GABRB1: variants seen among roughly 807,000 people sequenced by gnomAD.
The protein encoded by GABRB1 is gamma-aminobutyric acid receptor subunit beta-1.
In GABRB1, 17 loss-of-function variants were observed where a neutral mutation model predicts 51.6. The ratio of observed to expected loss-of-function variants is 0.33; its 90% CI spans 0.23 to 0.49. GABRB1 has a LOEUF of 0.49. GABRB1 is among the 20% of genes least tolerant of loss of function. GABRB1 has a pLI of 0.99. For missense variants in GABRB1, 410 were observed against 600.6 expected (o/e 0.68, Z 3.32); for synonymous variants, 247 against 218.9 (o/e 1.13, Z -1.14).
At chr4:47,118,788 C>A (rs1715618135) in intron 3 of GABRB1, among the ~76,000 whole-genome samples, 1 of 152,056 alleles carries the variant, frequency 6.6e-6, no homozygotes, top group East Asian at 1.9e-4. Flanking sequence ...GAGTCTGTGC[C>A]AAGAAACTGA....
intron 4 of GABRB1, among the ~76,000 whole-genome samples, chr4:47,162,311 T>G (rs1447689627): frequency 6.6e-6 from 1 of 152,066 alleles, no homozygotes; most frequent in African/African-American, 2.4e-5. Flanking sequence ...ATGCCCAATG[T>G]GTAAAGGGAT....
intron 4 of GABRB1, among the ~76,000 whole-genome samples, chr4:47,222,532 C>T (rs1374376498): frequency 2.0e-5 from 3 of 152,020 alleles, no homozygotes; most frequent in East Asian, 3.9e-4. Context: ...GTGAAGAAGC[C>T]AGGAATATAG....
chr4:47,334,208 C>CA (rs1256423689), intron 5 of GABRB1, among the ~76,000 whole-genome samples: 4 of 152,100 alleles, frequency 2.6e-5, no homozygotes, highest in Admixed American at 6.6e-5. Flanking sequence ...TTTGAGTAGT[C>CA]AAAATCTGGA....
At chr4:47,093,768 C>G (rs1714253586) in intron 3 of GABRB1, among the ~76,000 whole-genome samples, 1 of 152,122 alleles carries the variant, frequency 6.6e-6, no homozygotes, top group African/African-American at 2.4e-5. Context: ...TGCAACGTCA[C>G]AAATGTGCAC....
Position 47,092,161 on chromosome 4 carries a change from CTTTCTTTTT to C in GABRB1, c.240+59681_240+59689del, listed in dbSNP as rs1446304704. ...TTTCTTTTTCTTTCTTTCTTTCTTT[CTTTCTTTTT>C]TTTTTTTTTTTTTTTTTTTGAGACC... On this transcript the variant is annotated intron_variant, in intron 3 of 8. Coordinates refer to ENST00000295454, the MANE Select transcript of GABRB1 (RefSeq NM_000812.4). 7.1e-3 allele frequency among the ~76,000 whole-genome samples: 484 copies of C among 68,122 alleles called. 2 individuals are homozygous for C. Among genetic ancestry groups the C allele is most frequent in the African/African-American group, 0.028 (452 of 15,868 alleles). 44.7% of individuals were successfully genotyped at this position (68,122 alleles called of 152,430 possible). A position where few individuals can be genotyped will look rare whatever the true frequency, so the allele number is the denominator to read the frequency against.
rs200527612 is a variant in GABRB1, at chr4:47,195,461, TGATAGATAGATA to T, written c.461+34027_461+34038del. Among the ~76,000 whole-genome samples, 288 of 85,414 alleles carry T rather than the reference TGATAGATAGATA, an allele frequency of 3.4e-3. 5 individuals carry two copies. Among genetic ancestry groups the T allele is most frequent in the African/African-American group, 9.8e-3 (224 of 22,790 alleles). 56.0% of individuals were successfully genotyped at this position (85,414 alleles called of 152,430 possible). A position where few individuals can be genotyped will look rare whatever the true frequency, so the allele number is the denominator to read the frequency against. On this transcript the variant is annotated intron_variant, in intron 4 of 8. Transcript: ENST00000295454. The stretch of plus-strand genomic sequence containing the variant: ...ATAGATAGATGATAGATAGATTAGA[TGATAGATAGATA>T]GATAGATAGATAGATAGATAGATAG...
At chr4:47,338,342 A>C (rs1725770417) in intron 5 of GABRB1, among the ~76,000 whole-genome samples, 1 of 152,202 alleles carries the variant, frequency 6.6e-6, no homozygotes, top group Non-Finnish European at 1.5e-5. Context: ...TTAGGATGAC[A>C]AGATGACTAC....
intron 4 of GABRB1, among the ~76,000 whole-genome samples, chr4:47,282,051 T>C (rs1560312660): frequency 6.6e-6 from 1 of 150,536 alleles, no homozygotes; most frequent in Non-Finnish European, 1.5e-5. Context: ...TTCTCATCAT[T>C]AAAAAAAGAT....
intron 3 of GABRB1, among the ~76,000 whole-genome samples, chr4:47,080,169 A>T (rs1165532119): frequency 6.6e-6 from 1 of 152,080 alleles, no homozygotes; most frequent in African/African-American, 2.4e-5. Flanking sequence ...CATCAAGGCC[A>T]GGGCAGTGGA....
chr4:47,299,333 C>T (rs968186812), intron 4 of GABRB1, among the ~76,000 whole-genome samples: 4 of 152,060 alleles, frequency 2.6e-5, no homozygotes, highest in Admixed American at 6.5e-5. Context: ...TTTTCGCAAC[C>T]TACTCATCTG....
At chr4:47,069,637 T>G (rs1009574408) in intron 3 of GABRB1, among the ~76,000 whole-genome samples, 4 of 152,190 alleles carry the variant, frequency 2.6e-5, no homozygotes, top group African/African-American at 9.7e-5. Flanking sequence ...CTTTTGTACT[T>G]TAAATATGTT....
At chr4:47,255,473 AG>A in intron 4 of GABRB1, among the ~76,000 whole-genome samples, 1 of 152,352 alleles carries the variant, frequency 6.6e-6, no homozygotes, top group Admixed American at 6.5e-5. Flanking sequence ...GGGAAACTAA[AG>A]TTAATTTGTT....
intron 4 of GABRB1, among the ~76,000 whole-genome samples, chr4:47,260,705 C>G (rs1324622391): frequency 6.6e-6 from 1 of 152,138 alleles, no homozygotes; most frequent in East Asian, 1.9e-4. Flanking sequence ...CGCTGTTAGT[C>G]TGATGGGCTT....
chr4:47,396,285 C>T (rs1302699249), intron 5 of GABRB1, among the ~76,000 whole-genome samples: 3 of 151,924 alleles, frequency 2.0e-5, no homozygotes, highest in Non-Finnish European at 4.4e-5. Flanking sequence ...GAGACTTACT[C>T]ACTATCAGGA....
At chr4:47,294,245 A>AT (rs1723871886) in intron 4 of GABRB1, among the ~76,000 whole-genome samples, 1 of 152,194 alleles carries the variant, frequency 6.6e-6, no homozygotes, top group African/African-American at 2.4e-5. Context: ...GGAGTGCCAG[A>AT]CAATGGGTGC....
At chr4:47,187,717 A>G (rs2109778576) in intron 4 of GABRB1, among the ~76,000 whole-genome samples, 1 of 151,944 alleles carries the variant, frequency 6.6e-6, no homozygotes, top group South Asian at 2.1e-4. Context: ...AAAGAATCCA[A>G]AATGAGACAC....
At chr4:47,060,904 A>AT (rs2109527125) in intron 3 of GABRB1, among the ~76,000 whole-genome samples, 1 of 152,278 alleles carries the variant, frequency 6.6e-6, no homozygotes, top group Admixed American at 6.5e-5. Context: ...CATTTTAAGC[A>AT]TTTTTCTGCT....
At chr4:47,349,468 G>A (rs1441231222) in intron 5 of GABRB1, among the ~76,000 whole-genome samples, 1 of 152,188 alleles carries the variant, frequency 6.6e-6, no homozygotes, top group Non-Finnish European at 1.5e-5. Context: ...GTCAACTGTG[G>A]TCTGAAAATC....
Position 47,392,789 on chromosome 4 carries a change from G to A in GABRB1, c.545-10529G>A, listed in dbSNP as rs979023275. Among the ~76,000 whole-genome samples, 5 of 152,168 alleles carry A rather than the reference G, an allele frequency of 3.3e-5. No individual in the cohort carries two copies. In the South Asian group the frequency reaches 8.3e-4, roughly 25 times the overall value. ...GCATAGAAATATCAAGTGAATGACT[G>A]GCATGGGTTACAACAGAGGTTTTAA... On this transcript the variant is annotated intron_variant, in intron 5 of 8. Coordinates refer to ENST00000295454, the MANE Select transcript of GABRB1 (RefSeq NM_000812.4).
Sources: allele counts gnomAD v4.1 joint callset (sites outside exome capture counted in the v4.1 genomes callset), GRCh38; gene constraint gnomAD v4.1.1; transcripts MANE v1.5; gene names NCBI Gene and HGNC (gene_info 2026-07-23, HGNC 2026-07-21).